Variants in AGBL4 observed in about 807,000 individuals in gnomAD.
AGBL4 encodes AGBL carboxypeptidase 4, also known as cytosolic carboxypeptidase 6.
In AGBL4, 58 loss-of-function variants were observed where a neutral mutation model predicts 66.4. That is an observed-to-expected ratio of 0.87 (90% CI 0.71 to 1.09). The LOEUF (loss-of-function observed/expected upper bound fraction) is 1.09, where lower values mean the gene tolerates loss of function less well. AGBL4 is among the 50% of genes least tolerant of loss of function. The pLI, the probability that AGBL4 is intolerant of heterozygous loss-of-function variation, is 0.00. For synonymous variants in AGBL4, 234 were observed against 222.9 expected, an observed-to-expected ratio of 1.05 and a Z score of -0.44; for missense variants, 579 against 631.0, an observed-to-expected ratio of 0.92 and a Z score of 0.88.
chr1:49,284,301 A>C (rs1178380300), intron 3 of AGBL4, among the ~76,000 whole-genome samples: 4 of 152,114 alleles, frequency 2.6e-5, no homozygotes, highest in Non-Finnish European at 4.4e-5. Context: ...GAAATAAAAT[A>C]CTTTACAGAC....
intron 3 of AGBL4, among the ~76,000 whole-genome samples, chr1:49,338,959 C>T (rs773635238): frequency 6.6e-6 from 1 of 151,944 alleles, no homozygotes; most frequent in Non-Finnish European, 1.5e-5. Flanking sequence ...TTTGCCAGCC[C>T]CCAAGGTTAG....
chr1:49,831,201 T>C (rs188171282), intron 2 of AGBL4, among the ~76,000 whole-genome samples: 2 of 152,332 alleles, frequency 1.3e-5, no homozygotes, highest in African/African-American at 4.8e-5. Flanking sequence ...CTTTGGGCAG[T>C]ATGGCCATTT....
rs373566081 is a variant in AGBL4 at position 50,011,434 on chromosome 1, G to A, written c.34+12329C>T. ...AGGGAACCCTCGTATACTGCTGGTG[G>A]GAATGTAAATTAGTACAACCACTGT... is the stretch of plus-strand genomic sequence containing the variant. On this transcript the variant is annotated intron_variant, in intron 1 of 13. Coordinates refer to ENST00000371839, the MANE Select transcript of AGBL4 (RefSeq NM_032785.4). Among the ~76,000 whole-genome samples, 24 of 152,276 alleles carry A rather than the reference G, an allele frequency of 1.6e-4. 1 individual carries two copies. The East Asian group carries it at 1.9e-3, about 12-fold the overall frequency.
At chr1:48,610,655 A>G (rs1645223915) in intron 9 of AGBL4, among the ~76,000 whole-genome samples, 1 of 152,210 alleles carries the variant, frequency 6.6e-6, no homozygotes, top group African/African-American at 2.4e-5. Context: ...ATTTAGATGG[A>G]AAGGTCTGAT....
intron 1 of AGBL4, among the ~76,000 whole-genome samples, chr1:49,951,328 G>A (rs1273044278): frequency 6.6e-6 from 1 of 151,746 alleles, no homozygotes; most frequent in Non-Finnish European, 1.5e-5. Context: ...ATGGAAACAG[G>A]AAAGCCATGA....
At chr1:49,500,526 T>G (rs1486983951) in intron 3 of AGBL4, among the ~76,000 whole-genome samples, 1 of 151,988 alleles carries the variant, frequency 6.6e-6, no homozygotes, top group Non-Finnish European at 1.5e-5. Flanking sequence ...TAGATTTAAG[T>G]TTTTGACTCA....
At chr1:48,888,402 G>A (rs528562922) in intron 5 of AGBL4, among the ~76,000 whole-genome samples, 23 of 152,178 alleles carry the variant, frequency 1.5e-4, no homozygotes, top group Non-Finnish European at 2.6e-4. Flanking sequence ...GAGGAGTTCT[G>A]CCCCTTTCAC....
chr1:49,372,443 T>A (rs1377301110), intron 3 of AGBL4, among the ~76,000 whole-genome samples: 1 of 152,118 alleles, frequency 6.6e-6, no homozygotes. Context: ...TCCTTTCCCA[T>A]AAAGCCTCCT....
chr1:49,282,049 C>A (rs1163015341), intron 3 of AGBL4, among the ~76,000 whole-genome samples: 1 of 152,094 alleles, frequency 6.6e-6, no homozygotes. Context: ...GAACACTTAA[C>A]CCCTGGCATC....
chr1:48,758,984 A>C (rs776612748), intron 6 of AGBL4: 1 of 1,613,120 alleles, frequency 6.2e-7, no homozygotes, highest in Admixed American at 1.7e-5. Flanking sequence ...AGTGCCCCGT[A>C]CTCCTTGAGC....
At chr1:49,863,436 T>A (rs1053288882) in intron 1 of AGBL4, among the ~76,000 whole-genome samples, 8 of 152,062 alleles carry the variant, frequency 5.3e-5, no homozygotes, top group African/African-American at 1.4e-4. Flanking sequence ...ACAAATGACA[T>A]CACATACAGT....
At chr1:48,777,606 C>T (rs1570648872) in intron 6 of AGBL4, among the ~76,000 whole-genome samples, 1 of 152,220 alleles carries the variant, frequency 6.6e-6, no homozygotes, top group East Asian at 1.9e-4. Flanking sequence ...CAGTTCTGAC[C>T]AGAACTGGGG....
Position 49,726,868 on chromosome 1 carries a change from A to T in AGBL4, c.158-29431T>A, listed in dbSNP as rs531528217. On this transcript the variant is annotated intron_variant, in intron 2 of 13. Coordinates refer to ENST00000371839, the MANE Select transcript of AGBL4 (RefSeq NM_032785.4). ...GGAATATGGCCACAGAAAGCTCCAAATCACATTATTCTAACTAAAGGCAAG... is the reference window on the plus strand; with the variant it reads ...GGAATATGGCCACAGAAAGCTCCAATTCACATTATTCTAACTAAAGGCAAG... 3.0e-4 allele frequency among the ~76,000 whole-genome samples: 45 copies of T among 152,240 alleles called. No individual in the cohort carries two copies. The South Asian group carries it at 6.6e-3, about 22-fold the overall frequency.
chr1:49,379,289 T>C (rs2148569377), intron 3 of AGBL4, among the ~76,000 whole-genome samples: 1 of 152,280 alleles, frequency 6.6e-6, no homozygotes, highest in Middle Eastern at 3.4e-3. Flanking sequence ...GAATGGTTTG[T>C]ATGAATTGTT....
rs1211121294 is a variant in AGBL4 at position 48,542,488 on chromosome 1, T to G, written c.1268-2750A>C. Among the ~76,000 whole-genome samples the G allele has an allele frequency of 1.3e-5, 2 of 152,204 alleles. 1 individual carries two copies. Among genetic ancestry groups the G allele is most frequent in the African/African-American group, 4.8e-5 (2 of 41,444 alleles). ...ATAAAAGCGTTCCTATTTCTTCACA[T>G]CCTCTCCAGCATCTGTTGTTTCCTG... is the stretch of plus-strand genomic sequence containing the variant. On this transcript the variant is annotated intron_variant, in intron 11 of 13. Transcript: ENST00000371839.
At chr1:49,337,392 C>A (rs971658020) in intron 3 of AGBL4, among the ~76,000 whole-genome samples, 1 of 152,174 alleles carries the variant, frequency 6.6e-6, no homozygotes, top group Non-Finnish European at 1.5e-5. Flanking sequence ...AAACAGGATT[C>A]TCCCTGCCAG....
chr1:49,379,736 A>G (rs1226366589), intron 3 of AGBL4, among the ~76,000 whole-genome samples: 1 of 152,036 alleles, frequency 6.6e-6, no homozygotes, highest in Non-Finnish European at 1.5e-5. Flanking sequence ...AGCCCACTTG[A>G]TCATGGTGGA....
intron 2 of AGBL4, among the ~76,000 whole-genome samples, chr1:49,709,112 G>C (rs1006947677): frequency 3.9e-5 from 6 of 152,218 alleles, no homozygotes; most frequent in African/African-American, 1.4e-4. Flanking sequence ...GCTCTCTTCA[G>C]AGCTGGCAGG....
At chr1:48,692,175 G>A (rs1265612916) in intron 6 of AGBL4, among the ~76,000 whole-genome samples, 1 of 152,194 alleles carries the variant, frequency 6.6e-6, no homozygotes, top group Non-Finnish European at 1.5e-5. Context: ...AGAGATACAG[G>A]GGGAAGGGTG....
Sources: allele counts gnomAD v4.1 joint callset (sites outside exome capture counted in the v4.1 genomes callset), GRCh38; gene constraint gnomAD v4.1.1; transcripts MANE v1.5; gene names NCBI Gene and HGNC (gene_info 2026-07-23, HGNC 2026-07-21).